ZNF385D: variants seen among roughly 807,000 people sequenced by gnomAD.
ZNF385D encodes the protein zinc finger protein 659.
Under a neutral mutation model 35.8 loss-of-function variants are expected in ZNF385D, and 15 were observed. The ratio of observed to expected loss-of-function variants is 0.42; its 90% CI spans 0.28 to 0.64. ZNF385D has a LOEUF of 0.64. ZNF385D is among the 30% of genes least tolerant of loss of function. ZNF385D has a pLI of 0.23. For missense variants in ZNF385D, 474 were observed against 494.6 expected (o/e 0.96, Z 0.39); for synonymous variants, 212 against 186.8 (o/e 1.13, Z -1.10).
intron 3 of ZNF385D, among the ~76,000 whole-genome samples, chr3:21,793,534 TGAG>T (rs2072016615): frequency 6.6e-6 from 1 of 151,974 alleles, no homozygotes; most frequent in African/African-American, 2.4e-5. Flanking sequence ...TGTTAAAATT[TGAG>T]GAGCATTTCC....
intron 3 of ZNF385D, among the ~76,000 whole-genome samples, chr3:21,987,360 T>C (rs1392827312): frequency 0.047 from 4,358 of 92,854 alleles, 69 homozygotes; most frequent in African/African-American, 0.078. Flanking sequence ...TTAGGGCAGG[T>C]CTGGTGGTGA....
chr3:21,911,544 T>A (rs2125913585), intron 3 of ZNF385D, among the ~76,000 whole-genome samples: 1 of 152,130 alleles, frequency 6.6e-6, no homozygotes, highest in East Asian at 1.9e-4. Context: ...CTCATAATGT[T>A]GTTTTGAGAA....
At chr3:22,122,196 G>C (rs547331471) in intron 3 of ZNF385D, among the ~76,000 whole-genome samples, 2 of 152,142 alleles carry the variant, frequency 1.3e-5, no homozygotes, top group African/African-American at 4.8e-5. Context: ...CCCTTTACTA[G>C]TTTTAGTTAA....
At chr3:21,438,493 T>G (rs2125238537) in intron 4 of ZNF385D, among the ~76,000 whole-genome samples, 1 of 152,244 alleles carries the variant, frequency 6.6e-6, no homozygotes, top group South Asian at 2.1e-4. Context: ...AGAATGACTC[T>G]TAACTGGAAT....
intron 2 of ZNF385D, among the ~76,000 whole-genome samples, chr3:22,182,584 G>T (rs1423214457): frequency 2.6e-5 from 4 of 151,786 alleles, no homozygotes; most frequent in Non-Finnish European, 5.9e-5. Context: ...ATTGACTAAT[G>T]TATCACTATC....
In ZNF385D at chr3:21,627,401, A is replaced by G. The variant is rs2065167222; in HGVS notation, c.165+37485T>C. The stretch of plus-strand genomic sequence containing the variant: ...ACATGCTTCAATTTACACTGGGTCC[A>G]GAACCTTGTTAAGAGTGATCCTTTA... On this transcript the variant is annotated intron_variant, in intron 2 of 7. Coordinates refer to ENST00000281523, the MANE Select transcript of ZNF385D (RefSeq NM_024697.3). Among the ~76,000 whole-genome samples the G allele has an allele frequency of 2.6e-5, 4 of 152,026 alleles. No homozygotes were observed. The South Asian group carries it at 8.3e-4, about 31-fold the overall frequency.
intron 2 of ZNF385D, among the ~76,000 whole-genome samples, chr3:21,659,958 A>G (rs1477346990): frequency 6.6e-6 from 1 of 152,110 alleles, no homozygotes; most frequent in African/African-American, 2.4e-5. Flanking sequence ...GCACTGCTAT[A>G]AATCACATAA....
chr3:21,719,311 T>G (rs1459472137), intron 1 of ZNF385D, among the ~76,000 whole-genome samples: 1 of 152,168 alleles, frequency 6.6e-6, no homozygotes, highest in African/African-American at 2.4e-5. Flanking sequence ...AGTGTCATAT[T>G]GTTAAAGTGC....
At position 21,977,521 on chromosome 3, in the gene ZNF385D, C is replaced by T. The variant is rs147880286; in HGVS notation, c.325+191296G>A. ...GTGGGAACTGTGTTTGCAGGTCTAC[C>T]TAAAAGACTACTCAGGGCCTGGTGT... On this transcript the variant is annotated intron_variant, in intron 3 of 5. Coordinates refer to the ZNF385D transcript ENST00000494108. Among the ~76,000 whole-genome samples the T allele has an allele frequency of 3.5e-3, 530 of 152,000 alleles. 4 individuals carry two copies. Among genetic ancestry groups the T allele is most frequent in the African/African-American group, 0.012 (507 of 41,456 alleles).
rs116076064 is a variant in ZNF385D, at chr3:22,173,174, G to C, written c.107-4139C>G. 6.6e-3 allele frequency among the ~76,000 whole-genome samples: 1,002 copies of C among 152,232 alleles called. 9 individuals are homozygous for C. The highest frequency in any genetic ancestry group is 0.023 in the African/African-American group (940 of 41,546). On this transcript the variant is annotated intron_variant, in intron 2 of 5. Coordinates refer to the ZNF385D transcript ENST00000494108. ...AAACTGTCAAGGTCATCAAAACTAG[G>C]GGAAGTCTGAGAAATTGTTACAGCC...
intron 2 of ZNF385D, among the ~76,000 whole-genome samples, chr3:22,218,914 G>A (rs1057355023): frequency 1.3e-5 from 2 of 152,040 alleles, no homozygotes; most frequent in Non-Finnish European, 2.9e-5. Flanking sequence ...AATACATTTT[G>A]TAGATCATTG....
intron 1 of ZNF385D, among the ~76,000 whole-genome samples, chr3:21,699,823 C>CTTTTTTTTTT (rs1006362754): frequency 3.4e-5 from 3 of 88,878 alleles, no homozygotes; most frequent in African/African-American, 4.8e-5. Flanking sequence ...GTTTCTTTTC[C>CTTTTTTTTTT]TTTTTTTTTT....
At chr3:22,016,935 G>T (rs1282599239) in intron 3 of ZNF385D, among the ~76,000 whole-genome samples, 1 of 148,766 alleles carries the variant, frequency 6.7e-6, no homozygotes, top group Non-Finnish European at 1.5e-5. Flanking sequence ...CCATCCATCG[G>T]ACACACACAC....
chr3:22,134,533 TCCA>T (rs1378836349), intron 3 of ZNF385D: 1 of 151,976 alleles, frequency 6.6e-6, no homozygotes, highest in African/African-American at 2.4e-5. Context: ...TACAGAACAC[TCCA>T]CCAAACAGTG....
chr3:22,152,639 T>G (rs1464727008), intron 3 of ZNF385D, among the ~76,000 whole-genome samples: 5 of 152,140 alleles, frequency 3.3e-5, no homozygotes, highest in Non-Finnish European at 7.4e-5. Context: ...CCTTTCTCTC[T>G]CTGACCTTCC....
chr3:21,822,294 T>G (rs1266988207), intron 3 of ZNF385D, among the ~76,000 whole-genome samples: 1 of 152,048 alleles, frequency 6.6e-6, no homozygotes, highest in East Asian at 1.9e-4. Flanking sequence ...GGATGGTCTC[T>G]ATCTCCTGAC....
At chr3:21,853,773 A>C (rs1696552425) in intron 3 of ZNF385D, among the ~76,000 whole-genome samples, 1 of 151,836 alleles carries the variant, frequency 6.6e-6, no homozygotes, top group Non-Finnish European at 1.5e-5. Flanking sequence ...TTCTTCATGG[A>C]TTACAGTAAG....
chr3:21,908,251 C>A (rs981363496), intron 3 of ZNF385D, among the ~76,000 whole-genome samples: 1 of 151,470 alleles, frequency 6.6e-6, no homozygotes, highest in Non-Finnish European at 1.5e-5. Flanking sequence ...AATTAGATTA[C>A]TGAATTAAGA....
intron 2 of ZNF385D, among the ~76,000 whole-genome samples, chr3:21,582,205 G>GGGTT (rs1403604675): frequency 6.6e-6 from 1 of 152,040 alleles, no homozygotes; most frequent in African/African-American, 2.4e-5. Context: ...AAATTGTGTG[G>GGGTT]GGTTGGTAAA....
Sources: allele counts gnomAD v4.1 joint callset (sites outside exome capture counted in the v4.1 genomes callset), GRCh38; gene constraint gnomAD v4.1.1; transcripts MANE v1.5; gene names NCBI Gene and HGNC (gene_info 2026-07-23, HGNC 2026-07-21).